RNF115: variants seen among roughly 807,000 people sequenced by gnomAD.
RNF115 encodes the protein ring finger protein 115.
A neutral mutation model predicts 39.2 loss-of-function variants in RNF115; 31 were observed. The observed-to-expected ratio is 0.79, with a 90% CI of 0.59 to 1.07. The LOEUF is 1.07. Among genes scored for constraint, RNF115 ranks in the 50% least tolerant of loss-of-function variants. RNF115 has a pLI of 0.00. For synonymous variants in RNF115, 124 were observed against 131.0 expected (o/e 0.95, Z 0.37); for missense variants, 384 against 381.7 (o/e 1.01, Z -0.05).
At chr1:145,786,244 G>C (rs1648374462) in intron 2 of RNF115, among the ~76,000 whole-genome samples, 1 of 152,156 alleles carries the variant, frequency 6.6e-6, no homozygotes, top group Non-Finnish European at 1.5e-5. Flanking sequence ...CCTCTACATG[G>C]AAGTTTAAGA....
chr1:145,765,446 T>C (rs1187066362), intron 4 of RNF115, among the ~76,000 whole-genome samples: 2 of 152,122 alleles, frequency 1.3e-5, no homozygotes, highest in Non-Finnish European at 2.9e-5. Context: ...AAAAAATTAT[T>C]TGAAGTGAAA....
intron 4 of RNF115, among the ~76,000 whole-genome samples, chr1:145,756,145 G>C (rs1553713133): frequency 6.6e-6 from 1 of 152,098 alleles, no homozygotes; most frequent in East Asian, 1.9e-4. Context: ...CCAAGGATCA[G>C]ACTATAACAC....
rs782678382 is a variant in RNF115 at position 145,744,086 on chromosome 1, A to G, written c.*2780T>C. ...AGTACTTTGTTTCCACCCTTTTTAA[A>G]GGTACTCAGATCCTTTCTAGTTCTC... On this transcript the variant is annotated 3_prime_UTR_variant, in exon 9 of 9. Coordinates refer to ENST00000582693, the MANE Select transcript of RNF115 (RefSeq NM_014455.4). The G allele has an allele frequency of 1.3e-5, 2 of 152,406 alleles. No homozygotes were observed. The highest frequency in any genetic ancestry group is 2.9e-5 in the Non-Finnish European group (2 of 68,076). 9.4% of individuals were successfully genotyped at this position (152,406 alleles called of 1,614,324 possible). A position where few individuals can be genotyped will look rare whatever the true frequency, so the allele number is the denominator to read the frequency against.
chr1:145,790,991 A>T (rs1186077371), intron 1 of RNF115, among the ~76,000 whole-genome samples: 1 of 151,890 alleles, frequency 6.6e-6, no homozygotes, highest in Non-Finnish European at 1.5e-5. Context: ...AAAATGTAAA[A>T]TTAGCTGGGG....
At chr1:145,790,973 C>A (rs1553718868) in intron 1 of RNF115, among the ~76,000 whole-genome samples, 1 of 151,812 alleles carries the variant, frequency 6.6e-6, no homozygotes, top group Non-Finnish European at 1.5e-5. Context: ...GAAACTCCAT[C>A]TCTACTAAAA....
intron 4 of RNF115, among the ~76,000 whole-genome samples, chr1:145,755,440 C>T (rs1364965443): frequency 2.0e-5 from 3 of 152,126 alleles, no homozygotes; most frequent in African/African-American, 4.8e-5. Context: ...CAATGGCCAA[C>T]ATCTTGACTA....
rs1657804545 is a variant in RNF115, at chr1:145,744,708, G to C, written c.*2158C>G. On this transcript the variant is annotated 3_prime_UTR_variant, in exon 9 of 9. Coordinates refer to ENST00000582693, the MANE Select transcript of RNF115 (RefSeq NM_014455.4). Reference sequence around the variant, plus strand: ...CATTAAAGAGTGGTGTTTTTGTTCTGATCATTCTAAACTGATCATTCTGAT... The same window carrying C: ...CATTAAAGAGTGGTGTTTTTGTTCTCATCATTCTAAACTGATCATTCTGAT... 6.6e-6 allele frequency: 1 copy of C among 152,176 alleles called. No individual in the cohort carries two copies. The highest frequency in any genetic ancestry group is 2.4e-5 in the African/African-American group (1 of 41,434). 9.4% of individuals were successfully genotyped at this position (152,176 alleles called of 1,614,324 possible).
chr1:145,748,330 T>C (rs1657953729), intron 7 of RNF115, among the ~76,000 whole-genome samples: 1 of 151,956 alleles, frequency 6.6e-6, no homozygotes, highest in Admixed American at 6.6e-5. Flanking sequence ...GAATGATGAA[T>C]GGGGCCTACT....
intron 1 of RNF115, among the ~76,000 whole-genome samples, chr1:145,790,061 G>C (rs1648592762): frequency 6.6e-6 from 1 of 152,126 alleles, no homozygotes; most frequent in South Asian, 2.1e-4. Context: ...TTGCAGAATT[G>C]CTTCATAGCT....
chr1:145,808,314 T>G (rs1649545808), intron 1 of RNF115, among the ~76,000 whole-genome samples: 1 of 152,182 alleles, frequency 6.6e-6, no homozygotes, highest in African/African-American at 2.4e-5. Context: ...CAACAGTGTT[T>G]AAGAGTTCCC....
intron 2 of RNF115, chr1:145,786,963 TAC>T: frequency 2.5e-6 from 2 of 806,958 alleles, no homozygotes; most frequent in Non-Finnish European, 3.6e-6. Flanking sequence ...CCAGCTTATT[TAC>T]ACATATAATC....
At chr1:145,747,883 G>A in intron 8 of RNF115, 112 bp downstream of exon 8, 2 of 775,486 alleles carry the variant, frequency 2.6e-6, no homozygotes, top group South Asian at 1.5e-5. Context: ...CAGTATCAGA[G>A]TAAGCCAGGG....
At chr1:145,748,237 C>T in intron 7 of RNF115, 127 bp from the exon 8 acceptor site, 1 of 648,802 alleles carries the variant, frequency 1.5e-6, no homozygotes, top group South Asian at 1.8e-5. Context: ...AAAATGTACA[C>T]CCAAGTAGCA....
At chr1:145,785,689 A>G (rs1420212063) in intron 2 of RNF115, among the ~76,000 whole-genome samples, 5 of 152,204 alleles carry the variant, frequency 3.3e-5, no homozygotes, top group Non-Finnish European at 7.4e-5. Flanking sequence ...TACAATACCA[A>G]TCCAGGCATT....
At chr1:145,755,025 CACTT>C (rs1658244986) in intron 4 of RNF115, among the ~76,000 whole-genome samples, 2 of 151,918 alleles carry the variant, frequency 1.3e-5, no homozygotes, top group African/African-American at 4.8e-5. Context: ...GTGGGTGGAT[CACTT>C]GAGGTCAGGA....
chr1:145,809,825 T>G (rs1383810387), intron 1 of RNF115, among the ~76,000 whole-genome samples: 1 of 120,966 alleles, frequency 8.3e-6, no homozygotes, highest in Non-Finnish European at 1.7e-5. Context: ...CACTGGTACC[T>G]CCATCATTTT....
chr1:145,747,876 T>C (rs1657932518), intron 8 of RNF115, 119 bp downstream of exon 8: 5 of 728,514 alleles, frequency 6.9e-6, no homozygotes, highest in South Asian at 6.4e-5. Context: ...CAAATAACAG[T>C]ATCAGAGTAA....
intron 1 of RNF115, among the ~76,000 whole-genome samples, chr1:145,792,755 T>C (rs1648735041): frequency 6.6e-6 from 1 of 152,124 alleles, no homozygotes; most frequent in South Asian, 2.1e-4. Context: ...TGGAAGGGAA[T>C]GGTATGAATG....
At position 145,750,518 on chromosome 1, in the gene RNF115, G is replaced by T. The variant is rs782599926; in HGVS notation, c.574-18C>A. 6.3e-7 allele frequency: 1 copy of T among 1,598,390 alleles called. No individual in the cohort carries two copies. The highest frequency in any genetic ancestry group is 8.6e-7 in the Non-Finnish European group (1 of 1,166,258). ...CCTAAAAGCTACAAAAAAAGAGAAA[G>T]AAAAAGACGAAGTGGCAGACATCGC... On this transcript the variant is annotated intron_variant, in intron 6 of 8. Transcript: ENST00000582693.
Sources: allele counts gnomAD v4.1 joint callset (sites outside exome capture counted in the v4.1 genomes callset), GRCh38; gene constraint gnomAD v4.1.1; transcripts MANE v1.5; gene names NCBI Gene and HGNC (gene_info 2026-07-23, HGNC 2026-07-21).